TMEM272: variants seen among roughly 807,000 people sequenced by gnomAD.
TMEM272 encodes the protein transmembrane protein 272, also known as long intergenic non-protein coding RNA 282.
TMEM272 carries 8 observed loss-of-function variants against 3.7 expected under a neutral mutation model. The ratio of observed to expected loss-of-function variants is 2.17; its 90% CI spans 1.27 to 3.91. The LOEUF is 3.91. TMEM272 is among the 30% of genes most tolerant of loss of function. The pLI is 0.00. For missense variants in TMEM272, 166 were observed against 91.5 expected, an observed-to-expected ratio of 1.81 and a Z score of -3.32; for synonymous variants, 63 against 39.8, an observed-to-expected ratio of 1.58 and a Z score of -2.20.
chr13:51,867,881 T>G, the TMEM272 span, among the ~76,000 whole-genome samples: 1 of 152,152 alleles, frequency 6.6e-6, no homozygotes, highest in Non-Finnish European at 1.5e-5. Flanking sequence ...TGGATGGTAT[T>G]CACACTGCAG....
At chr13:51,869,553 G>A in the TMEM272 span, among the ~76,000 whole-genome samples, 1,974 of 150,186 alleles carry the variant, frequency 0.013, 53 homozygotes, top group African/African-American at 0.046. Flanking sequence ...GCAGTGGCAC[G>A]ATCTCGGCTC....
intron 2 of TMEM272, among the ~76,000 whole-genome samples, chr13:51,831,356 C>T (rs553428575): frequency 2.2e-4 from 34 of 152,214 alleles, no homozygotes; most frequent in African/African-American, 7.2e-4. Context: ...CCCAGGAGTT[C>T]AAGTCTGTAG....
the TMEM272 span, among the ~76,000 whole-genome samples, chr13:51,903,942 C>CGTGTGT: frequency 0.01 from 1,375 of 136,652 alleles, 19 homozygotes; most frequent in African/African-American, 0.032. Flanking sequence ...CAGTCTTCCA[C>CGTGTGT]GTGTGTGTGT....
the TMEM272 span, among the ~76,000 whole-genome samples, chr13:51,861,014 A>G: frequency 1.3e-5 from 2 of 152,146 alleles, no homozygotes; most frequent in African/African-American, 2.4e-5. Flanking sequence ...TCAGTCATAA[A>G]CAGAGAATCC....
At chr13:51,850,803 T>C in the TMEM272 span, among the ~76,000 whole-genome samples, 1 of 152,230 alleles carries the variant, frequency 6.6e-6, no homozygotes, top group Non-Finnish European at 1.5e-5. Context: ...CCTAACATTA[T>C]TAACGTATTT....
At chr13:51,894,878 T>C in the TMEM272 span, among the ~76,000 whole-genome samples, 1 of 152,042 alleles carries the variant, frequency 6.6e-6, no homozygotes, top group Non-Finnish European at 1.5e-5. Context: ...GTGGGAGCCC[T>C]GAGCTTGTTT....
chr13:51,902,196 G>C, the TMEM272 span, among the ~76,000 whole-genome samples: 2 of 152,204 alleles, frequency 1.3e-5, no homozygotes, highest in Non-Finnish European at 2.9e-5. Context: ...TAAAAATCAA[G>C]AGAAGCAAAA....
At chr13:51,859,764 T>C in the TMEM272 span, among the ~76,000 whole-genome samples, 21 of 152,208 alleles carry the variant, frequency 1.4e-4, no homozygotes, top group Admixed American at 1.3e-4. Context: ...AATCTCATTT[T>C]TAGTTACTAT....
At chr13:51,842,923 T>C (rs1956274700) in intron 1 of TMEM272, among the ~76,000 whole-genome samples, 1 of 152,206 alleles carries the variant, frequency 6.6e-6, no homozygotes, top group Non-Finnish European at 1.5e-5. Flanking sequence ...CGTAGATCTC[T>C]TGGAATAGTT....
Position 51,813,579 on chromosome 13 carries a change from A to C in TMEM272, c.*3172T>G. On this transcript the variant is annotated 3_prime_UTR_variant, in exon 5 of 5. Coordinates refer to ENST00000629372, the MANE Select transcript of TMEM272 (RefSeq NM_001351003.2). The stretch of plus-strand genomic sequence containing the variant: ...CTGTATGTGTGGCCCGAGTGCACAC[A>C]TGCGGTTTCTCTGGCCACCGAATCA... 3.8e-6 allele frequency: 1 copy of C among 263,526 alleles called. No individual in the cohort carries two copies. Among genetic ancestry groups the C allele is most frequent in the Non-Finnish European group, 7.1e-6 (1 of 141,112 alleles). The allele number at this position is 263,526 out of a possible 1,614,324, so 16.3% of individuals were successfully genotyped here.
the TMEM272 span, among the ~76,000 whole-genome samples, chr13:51,901,076 G>C: frequency 6.6e-6 from 1 of 152,162 alleles, no homozygotes; most frequent in Non-Finnish European, 1.5e-5. Context: ...AAAAACCACT[G>C]AATTATAAAC....
the TMEM272 span, among the ~76,000 whole-genome samples, chr13:51,928,534 A>G: frequency 6.6e-6 from 1 of 152,340 alleles, no homozygotes; most frequent in African/African-American, 2.4e-5. Flanking sequence ...ACGGCATGAC[A>G]CATTCACTGC....
chr13:51,872,282 G>C, the TMEM272 span, among the ~76,000 whole-genome samples: 5 of 152,114 alleles, frequency 3.3e-5, no homozygotes, highest in Admixed American at 3.3e-4. Context: ...CAAAAAAAGA[G>C]TTATTGGACA....
chr13:51,897,339 A>G, the TMEM272 span, among the ~76,000 whole-genome samples: 1 of 141,916 alleles, frequency 7.0e-6, no homozygotes, highest in East Asian at 2.2e-4. Context: ...GGGACCACAC[A>G]TGCATGCCAC....
At chr13:51,879,531 T>C in the TMEM272 span, among the ~76,000 whole-genome samples, 3 of 152,192 alleles carry the variant, frequency 2.0e-5, no homozygotes, top group Non-Finnish European at 4.4e-5. Context: ...CTACAGAGAA[T>C]GTAACAATTA....
the TMEM272 span, among the ~76,000 whole-genome samples, chr13:51,881,682 C>T: frequency 6.6e-6 from 1 of 152,036 alleles, no homozygotes; most frequent in Non-Finnish European, 1.5e-5. Context: ...GGAATTAGTG[C>T]CCTTATTAAG....
At chr13:51,860,638 CAA>C in the TMEM272 span, among the ~76,000 whole-genome samples, 5,215 of 105,862 alleles carry the variant, frequency 0.049, 344 homozygotes, top group African/African-American at 0.17. Flanking sequence ...AAACATGTCT[CAA>C]AAAAAAAAAA....
chr13:51,927,015 T>C, the TMEM272 span, among the ~76,000 whole-genome samples: 1 of 152,198 alleles, frequency 6.6e-6, no homozygotes, highest in African/African-American at 2.4e-5. Context: ...TAGTGCTTCA[T>C]ACTTTACAGG....
At chr13:51,908,161 A>G in the TMEM272 span, 3 of 586,010 alleles carry the variant, frequency 5.1e-6, no homozygotes, top group African/African-American at 5.7e-5. Context: ...CAGTTACTTC[A>G]ACTGAAAATG....
Sources: gnomAD v4.1 joint callset for allele counts (sites outside exome capture counted in the v4.1 genomes callset) on GRCh38, gnomAD v4.1.1 for gene constraint, MANE v1.5 for transcripts, NCBI Gene and HGNC (gene_info 2026-07-23, HGNC 2026-07-21) for gene names.